Variants in FBXO34 observed in about 807,000 individuals in gnomAD.
The protein encoded by FBXO34 is F-box protein 34.
Under a neutral mutation model 24.5 loss-of-function variants are expected in FBXO34, and 12 were observed. The observed-to-expected ratio is 0.49, with a 90% confidence interval of 0.31 to 0.79. FBXO34 has a LOEUF of 0.79. Among genes scored for constraint, FBXO34 ranks in the 30% least tolerant of loss-of-function variants. The pLI is 0.04. For synonymous variants in FBXO34, 320 were observed against 311.9 expected, an observed-to-expected ratio of 1.03 and a Z score of -0.27; for missense variants, 823 against 857.7, an observed-to-expected ratio of 0.96 and a Z score of 0.51.
chr14:55,411,826 G>A, the FBXO34 span: 46 of 1,585,372 alleles, frequency 2.9e-5, no homozygotes, highest in Non-Finnish European at 3.5e-5. Flanking sequence ...ACGCCATGAT[G>A]GCCTGAGAGG....
At chr14:55,415,508 A>C in the FBXO34 span, among the ~76,000 whole-genome samples, 1 of 152,196 alleles carries the variant, frequency 6.6e-6, no homozygotes, top group Admixed American at 6.5e-5. Flanking sequence ...CTTTCATTGC[A>C]GCACTATTCA....
chr14:55,372,217 C>T (rs373339230), downstream of FBXO34, among the ~76,000 whole-genome samples: 18 of 152,116 alleles, frequency 1.2e-4, no homozygotes, highest in African/African-American at 4.3e-4. Context: ...CCAGGGCTAC[C>T]TGTTATCATT....
the FBXO34 span, among the ~76,000 whole-genome samples, chr14:55,426,174 G>A: frequency 6.6e-6 from 1 of 151,904 alleles, no homozygotes; most frequent in East Asian, 1.9e-4. Context: ...GGCTGAGGCA[G>A]GAGAATCACT....
At chr14:55,342,070 A>C (rs1884011686) in intron 1 of FBXO34, among the ~76,000 whole-genome samples, 1 of 152,224 alleles carries the variant, frequency 6.6e-6, no homozygotes, top group Non-Finnish European at 1.5e-5. Context: ...AGAAAACCAA[A>C]GTGTAGTGGC....
chr14:55,420,875 C>T, the FBXO34 span, among the ~76,000 whole-genome samples: 9 of 151,634 alleles, frequency 5.9e-5, no homozygotes, highest in South Asian at 2.1e-4. Context: ...CTGGCCAACA[C>T]GGTGAAACCC....
the FBXO34 span, among the ~76,000 whole-genome samples, chr14:55,410,064 T>G: frequency 1.3e-5 from 2 of 151,862 alleles, no homozygotes; most frequent in Non-Finnish European, 2.9e-5. Flanking sequence ...AAGAGAGGAG[T>G]CAAGGAGAAC....
At chr14:55,290,421 T>TA (rs1881908269) in intron 1 of FBXO34, among the ~76,000 whole-genome samples, 1 of 151,704 alleles carries the variant, frequency 6.6e-6, no homozygotes, top group Admixed American at 6.6e-5. Flanking sequence ...ATAAATAAAT[T>TA]AATTAATTAA....
chr14:55,412,030 A>G, the FBXO34 span, among the ~76,000 whole-genome samples: 3 of 152,210 alleles, frequency 2.0e-5, no homozygotes, highest in Non-Finnish European at 4.4e-5. Context: ...GTTATATTAG[A>G]GGGGCTAGTC....
At chr14:55,359,847 C>CGGTGGG (rs1566572369) in intron 3 of FBXO34, among the ~76,000 whole-genome samples, 1 of 148,400 alleles carries the variant, frequency 6.7e-6, no homozygotes, top group Non-Finnish European at 1.5e-5. Context: ...TGGGAGGCCA[C>CGGTGGG]GGTGGGAGGG....
the FBXO34 span, among the ~76,000 whole-genome samples, chr14:55,405,616 T>A: frequency 6.6e-6 from 1 of 152,226 alleles, no homozygotes; most frequent in African/African-American, 2.4e-5. Flanking sequence ...CCAATTTCTT[T>A]CCTGTTGTGA....
intron 1 of FBXO34, among the ~76,000 whole-genome samples, chr14:55,298,386 T>C (rs559838911): frequency 5.9e-4 from 90 of 152,270 alleles, no homozygotes; most frequent in African/African-American, 1.8e-3. Context: ...TTTCTTTTTT[T>C]TTTTACCCTC....
chr14:55,426,420 C>A, the FBXO34 span, among the ~76,000 whole-genome samples: 2 of 151,982 alleles, frequency 1.3e-5, no homozygotes, highest in Non-Finnish European at 2.9e-5. Flanking sequence ...ATTTGCAGAA[C>A]CTGGGAAACT....
At chr14:55,411,496 C>T in the FBXO34 span, 1 of 1,117,554 alleles carries the variant, frequency 8.9e-7, no homozygotes, top group African/African-American at 1.6e-5. Context: ...TCGCTCCTCT[C>T]GCTGGTATCT....
At chr14:55,324,476 TAAG>T (rs375179488) in intron 1 of FBXO34, among the ~76,000 whole-genome samples, 4 of 151,862 alleles carry the variant, frequency 2.6e-5, no homozygotes, top group African/African-American at 9.7e-5. Context: ...GGCAGTTCTT[TAAG>T]TTTTTTTTTT....
intron 1 of FBXO34, among the ~76,000 whole-genome samples, chr14:55,286,031 T>C (rs1881749148): frequency 6.6e-6 from 1 of 152,256 alleles, no homozygotes; most frequent in Admixed American, 6.5e-5. Flanking sequence ...TGCTTGTATT[T>C]ATACTGCTTA....
chr14:55,414,410 T>C, the FBXO34 span: 3 of 1,609,234 alleles, frequency 1.9e-6, no homozygotes, highest in African/African-American at 1.3e-5. Flanking sequence ...TAGAATAGGA[T>C]AGATGTTTTC....
At chr14:55,421,914 A>C in the FBXO34 span, among the ~76,000 whole-genome samples, 1 of 152,190 alleles carries the variant, frequency 6.6e-6, no homozygotes, top group Non-Finnish European at 1.5e-5. Context: ...GGTAATATAA[A>C]AGTCTCAATT....
the FBXO34 span, among the ~76,000 whole-genome samples, chr14:55,402,650 T>G: frequency 6.6e-6 from 1 of 151,676 alleles, no homozygotes; most frequent in South Asian, 2.1e-4. Context: ...AAATAAGATT[T>G]AAAAACCTGG....
the FBXO34 span, among the ~76,000 whole-genome samples, chr14:55,432,145 C>T: frequency 6.1e-3 from 926 of 151,804 alleles, 10 homozygotes; most frequent in African/African-American, 0.022. Flanking sequence ...TAGTAGCTCA[C>T]GCCTGTAATC....
Sources: allele counts gnomAD v4.1 joint callset (sites outside exome capture counted in the v4.1 genomes callset), GRCh38; gene constraint gnomAD v4.1.1; transcripts MANE v1.5; gene names NCBI Gene and HGNC (gene_info 2026-07-23, HGNC 2026-07-21).